ZNF652: variants seen among roughly 807,000 people sequenced by gnomAD.
The protein encoded by ZNF652 is zinc finger protein 652.
Under a neutral mutation model 45.2 loss-of-function variants are expected in ZNF652, and 16 were observed. The observed-to-expected ratio is 0.35, with a 90% CI of 0.24 to 0.54. ZNF652 has a LOEUF of 0.54. Among genes scored for constraint, ZNF652 ranks in the 20% least tolerant of loss-of-function variants. The probability of loss-of-function intolerance (pLI) is 0.91; values close to 1 mark genes in which losing one functional copy is unlikely to be tolerated. For synonymous variants in ZNF652, 250 were observed against 260.6 expected (o/e 0.96, Z 0.39); for missense variants, 614 against 765.6 (o/e 0.80, Z 2.34).
rs1429612473 is a variant in ZNF652 at position 49,295,957 on chromosome 17, A to C, written c.*2456T>G. Reference sequence around the variant, plus strand: ...TGCCTCAAAAAAAAAAAAAAAAAAAAAAAAAAAACAGAACAAAATATAACC... The same window carrying C: ...TGCCTCAAAAAAAAAAAAAAAAAAACAAAAAAAACAGAACAAAATATAACC... On this transcript the variant is annotated 3_prime_UTR_variant, in exon 6 of 6. Coordinates refer to ENST00000430262, the MANE Select transcript of ZNF652 (RefSeq NM_001145365.3). The C allele has an allele frequency of 6.8e-6, 1 of 146,050 alleles. No homozygotes were observed. The highest frequency in any genetic ancestry group is 1.5e-5 in the Non-Finnish European group (1 of 65,866). 9.0% of individuals were successfully genotyped at this position (146,050 alleles called of 1,614,324 possible).
chr17:49,312,831 G>A lies in ZNF652; in HGVS notation c.915C>T (p.Asn305=), dbSNP rs956276095. Reference sequence around the variant, plus strand: ...GGGACCAGAGTTTCTTGAACGATTTGTTACAGGAAACACACTGAGCAGGAT... The same window carrying A: ...GGGACCAGAGTTTCTTGAACGATTTATTACAGGAAACACACTGAGCAGGAT... ...CEKNIQCVSC[N]KSFKKLWSLH... Residue 305 remains asparagine, a synonymous_variant, in exon 3 of 6, where the codon AAC becomes AAT. Coordinates refer to ENST00000430262, the MANE Select transcript of ZNF652 (RefSeq NM_001145365.3). 2.5e-5 allele frequency: 40 copies of A among 1,613,682 alleles called. No homozygotes were observed. Among genetic ancestry groups the A allele is most frequent in the Non-Finnish European group, 3.4e-5 (40 of 1,179,874 alleles).
Position 49,291,799 on chromosome 17 carries a change from T to C in ZNF652, c.*6614A>G, listed in dbSNP as rs905170322. ...AATGAGGAAGAAACATCATGGCAAA[T>C]CAAGTGAAAGGTAATTAACACAACA... On this transcript the variant is annotated 3_prime_UTR_variant, in exon 6 of 6. Transcript: ENST00000430262. 2 of 152,170 alleles carry C rather than the reference T, an allele frequency of 1.3e-5. No individual in the cohort carries two copies. The highest frequency in any genetic ancestry group is 4.8e-5 in the African/African-American group (2 of 41,440). The allele number at this position is 152,170 out of a possible 1,614,324, so 9.4% of individuals were successfully genotyped here.
At chr17:49,348,484 G>GAA (rs1177090600) in intron 1 of ZNF652, among the ~76,000 whole-genome samples, 1 of 20,458 alleles carries the variant, frequency 4.9e-5, no homozygotes, top group South Asian at 1.4e-3. Context: ...CCTCAAAAAA[G>GAA]AAAAGAAAAG....
chr17:49,361,578 G>C (rs919167723), intron 1 of ZNF652, among the ~76,000 whole-genome samples: 2 of 152,174 alleles, frequency 1.3e-5, no homozygotes, highest in East Asian at 1.9e-4. Flanking sequence ...ACCTCCTCTC[G>C]GCCCGCTAAC....
chr17:49,330,853 C>G (rs2070015367), intron 1 of ZNF652, among the ~76,000 whole-genome samples: 1 of 151,132 alleles, frequency 6.6e-6, no homozygotes, highest in Non-Finnish European at 1.5e-5. Context: ...GAGTTCGAGA[C>G]CAGCCTGACC....
chr17:49,295,629 C>T lies in ZNF652; in HGVS notation c.*2784G>A, dbSNP rs1021982153. 3.3e-5 allele frequency: 5 copies of T among 152,344 alleles called. No individual in the cohort carries two copies. Among genetic ancestry groups the T allele is most frequent in the African/African-American group, 1.2e-4 (5 of 41,400 alleles). 9.4% of individuals were successfully genotyped at this position (152,344 alleles called of 1,614,324 possible). On this transcript the variant is annotated 3_prime_UTR_variant, in exon 6 of 6. Transcript: ENST00000430262. ...TAGAATCCAGAATTGCTGCCCAATA[C>T]TGTAAATTTATTCAGAACAAAATAA...
intron 1 of ZNF652, among the ~76,000 whole-genome samples, chr17:49,350,697 C>T (rs1396831575): frequency 1.4e-5 from 2 of 147,310 alleles, no homozygotes; most frequent in African/African-American, 5.0e-5. Context: ...TGGCTGGGTG[C>T]AGTGGCTCAC....
At chr17:49,332,003 G>C (rs1180410977) in intron 1 of ZNF652, among the ~76,000 whole-genome samples, 5 of 151,482 alleles carry the variant, frequency 3.3e-5, no homozygotes, top group African/African-American at 7.3e-5. Context: ...AAAATAAAAG[G>C]CTGGGCATGG....
At chr17:49,361,070 T>G (rs2070387188) in intron 1 of ZNF652, 1 of 152,342 alleles carries the variant, frequency 6.6e-6, no homozygotes, top group Non-Finnish European at 1.5e-5. Context: ...AAGCCATTTC[T>G]GACAATGGAT....
In ZNF652 at chr17:49,328,340, A is replaced by T. The variant is rs563015175; in HGVS notation, c.-258-10357T>A. On this transcript the variant is annotated intron_variant, in intron 1 of 5. Coordinates refer to ENST00000430262, the MANE Select transcript of ZNF652 (RefSeq NM_001145365.3). ...ACACAAAAAACACCACAGGAAAATGACAGGAATGAAACCATGTGGGTTTTT... is the reference window on the plus strand; with the variant it reads ...ACACAAAAAACACCACAGGAAAATGTCAGGAATGAAACCATGTGGGTTTTT... Among the ~76,000 whole-genome samples, 4 of 152,176 alleles carry T rather than the reference A, an allele frequency of 2.6e-5. No individual in the cohort carries two copies. In the East Asian group the frequency reaches 7.7e-4, roughly 29 times the overall value.
chr17:49,337,540 A>C (rs768628435), intron 1 of ZNF652, among the ~76,000 whole-genome samples: 9 of 152,226 alleles, frequency 5.9e-5, no homozygotes, highest in Non-Finnish European at 1.0e-4. Flanking sequence ...TTGAGTTGTT[A>C]CCCTAAATAC....
chr17:49,320,942 T>C (rs2960166), intron 1 of ZNF652, among the ~76,000 whole-genome samples: 34,017 of 146,348 alleles, frequency 0.23, 4,008 homozygotes, highest in South Asian at 0.33. Context: ...CCACGCCTCT[T>C]GGGTTCAAGC....
chr17:49,322,014 G>A (rs755188369), intron 1 of ZNF652, among the ~76,000 whole-genome samples: 9 of 152,176 alleles, frequency 5.9e-5, no homozygotes, highest in Non-Finnish European at 1.0e-4. Flanking sequence ...ACAGGCAAGT[G>A]CTTAATGTAA....
At chr17:49,316,148 T>A (rs1380115621) in intron 2 of ZNF652, among the ~76,000 whole-genome samples, 3 of 152,214 alleles carry the variant, frequency 2.0e-5, no homozygotes, top group African/African-American at 7.2e-5. Flanking sequence ...CCTATCACAA[T>A]ATAGTCCTTT....
chr17:49,321,735 A>C (rs1196720871), intron 1 of ZNF652, among the ~76,000 whole-genome samples: 1 of 152,202 alleles, frequency 6.6e-6, no homozygotes, highest in South Asian at 2.1e-4. Flanking sequence ...GGAGGCAAGG[A>C]AAGTTATTGG....
At chr17:49,338,787 C>T (rs1449377223) in intron 1 of ZNF652, among the ~76,000 whole-genome samples, 1 of 151,990 alleles carries the variant, frequency 6.6e-6, no homozygotes, top group Non-Finnish European at 1.5e-5. Context: ...AAAGAAGGGG[C>T]TGAGCACCAA....
At chr17:49,347,005 G>A (rs1425069588) in intron 1 of ZNF652, among the ~76,000 whole-genome samples, 2 of 152,344 alleles carry the variant, frequency 1.3e-5, no homozygotes, top group East Asian at 1.9e-4. Context: ...TGAGGAACCA[G>A]CCTGATAAAT....
At chr17:49,331,282 C>T (rs1482691898) in intron 1 of ZNF652, among the ~76,000 whole-genome samples, 5 of 151,692 alleles carry the variant, frequency 3.3e-5, no homozygotes, top group East Asian at 2.0e-4. Flanking sequence ...CTACCACGCC[C>T]GGCTAATTTT....
intron 1 of ZNF652, among the ~76,000 whole-genome samples, chr17:49,352,949 T>C (rs1288410775): frequency 2.0e-5 from 3 of 152,124 alleles, no homozygotes; most frequent in Middle Eastern, 3.2e-3. Context: ...AACAGATCGA[T>C]AGTTGCCCAG....
Sources: allele counts gnomAD v4.1 joint callset (sites outside exome capture counted in the v4.1 genomes callset), GRCh38; gene constraint gnomAD v4.1.1; transcripts MANE v1.5; gene names NCBI Gene and HGNC (gene_info 2026-07-23, HGNC 2026-07-21).